The following CCDC68 variants were observed in gnomAD, a reference collection of about 807,000 sequenced individuals.
The protein encoded by CCDC68 is coiled-coil domain containing 68.
In CCDC68, 45 loss-of-function variants were observed where a neutral mutation model predicts 47.1. The observed-to-expected ratio is 0.96, with a 90% CI of 0.75 to 1.23. The LOEUF (loss-of-function observed/expected upper bound fraction) is 1.23, where lower values mean the gene tolerates loss of function less well. CCDC68 is among the 50% of genes most tolerant of loss of function. The probability of loss-of-function intolerance (pLI) is 0.00; values close to 1 mark genes in which losing one functional copy is unlikely to be tolerated. For synonymous variants in CCDC68, 131 were observed against 129.5 expected, an observed-to-expected ratio of 1.01 and a Z score of -0.08; for missense variants, 353 against 373.6, an observed-to-expected ratio of 0.94 and a Z score of 0.45.
At chr18:54,905,046 G>C (rs1913908667) in intron 11 of CCDC68, among the ~76,000 whole-genome samples, 2 of 152,150 alleles carry the variant, frequency 1.3e-5, no homozygotes, top group African/African-American at 2.4e-5. Flanking sequence ...GATCACTTGA[G>C]CCCAGGAGTT....
At chr18:54,927,686 T>G (rs1049870669) in intron 8 of CCDC68, among the ~76,000 whole-genome samples, 2 of 152,230 alleles carry the variant, frequency 1.3e-5, no homozygotes, top group Non-Finnish European at 2.9e-5. Flanking sequence ...TAAAACTATC[T>G]TAGAAGTCCA....
At chr18:54,957,834 A>C (rs1343935820) in intron 1 of CCDC68, 1 of 152,222 alleles carries the variant, frequency 6.6e-6, no homozygotes, top group Non-Finnish European at 1.5e-5. Context: ...CTATTTTAAA[A>C]GACTTTTACA....
chr18:54,927,451 A>G (rs887599853), intron 8 of CCDC68, among the ~76,000 whole-genome samples: 4 of 152,084 alleles, frequency 2.6e-5, no homozygotes, highest in Admixed American at 6.6e-5. Context: ...TTTAAAACAC[A>G]TTTTTTAAAG....
At chr18:54,940,392 T>C (rs1349587457) in intron 4 of CCDC68, among the ~76,000 whole-genome samples, 1 of 152,240 alleles carries the variant, frequency 6.6e-6, no homozygotes, top group African/African-American at 2.4e-5. Context: ...AAGCTAGTTA[T>C]GTTAGTGTGG....
chr18:54,918,567 C>T (rs113722139), intron 9 of CCDC68, among the ~76,000 whole-genome samples: 1,582 of 152,232 alleles, frequency 0.01, 22 homozygotes, highest in African/African-American at 0.032. Flanking sequence ...GTGGGATGCC[C>T]CCAAAGTCCC....
chr18:54,935,365 T>C (rs928775557), intron 6 of CCDC68, among the ~76,000 whole-genome samples: 1 of 152,210 alleles, frequency 6.6e-6, no homozygotes, highest in African/African-American at 2.4e-5. Context: ...CAGTGTGTCA[T>C]GGTGCTACTT....
chr18:54,934,917 T>C lies in CCDC68; in HGVS notation c.503A>G (p.Lys168Arg). The change falls in exon 7 of 12, where the codon AAA (lysine) becomes AGA (arginine). Residue 168 changes from lysine to arginine, a missense_variant. Coordinates refer to ENST00000591504, the MANE Select transcript of CCDC68 (RefSeq NM_025214.3). ...TTGATTCAGATTTTCAACATGTTGT[T>C]TCAATTTCTGTTCTTTTTCAAGCTT... ...VNKLEKEQKL[K>R]QHVENLNQVA... 1 of 1,595,230 alleles carries C rather than the reference T, an allele frequency of 6.3e-7. No individual in the cohort carries two copies.
chr18:54,946,661 C>T (rs550898844), intron 1 of CCDC68, among the ~76,000 whole-genome samples: 90 of 152,178 alleles, frequency 5.9e-4, no homozygotes, highest in Non-Finnish European at 8.5e-4. Context: ...CTCTTATGTA[C>T]CTTTTATTCT....
rs7240705 is a variant in CCDC68 at position 54,909,444 on chromosome 18, C to T, written c.874-1582G>A. On this transcript the variant is annotated intron_variant, in intron 10 of 11. Coordinates refer to ENST00000591504, the MANE Select transcript of CCDC68 (RefSeq NM_025214.3). ...TCGCCCAGGCTGGAGTGCAGTGGCG[C>T]GATCTCAGTGTTACAAGGTGTCATT... 2.5e-3 allele frequency among the ~76,000 whole-genome samples: 368 copies of T among 147,700 alleles called. 1 individual carries two copies. Among genetic ancestry groups the T allele is most frequent in the African/African-American group, 8.7e-3 (345 of 39,782 alleles).
At position 54,902,005 on chromosome 18, in the gene CCDC68, C is replaced by A. The variant is rs879287581; in HGVS notation, c.*2353G>T. On this transcript the variant is annotated 3_prime_UTR_variant, in exon 12 of 12. Transcript: ENST00000591504. ...TGATGGTATTATAAAGACAGCTACT[C>A]GGGAGGCTGAGGCAGGAGAATCGTT... 1.3e-5 allele frequency: 2 copies of A among 151,836 alleles called. No homozygotes were observed. The highest frequency in any genetic ancestry group is 2.1e-4 in the South Asian group (1 of 4,810). 9.4% of individuals were successfully genotyped at this position (151,836 alleles called of 1,614,324 possible). A position where few individuals can be genotyped will look rare whatever the true frequency, so the allele number is the denominator to read the frequency against.
intron 8 of CCDC68, among the ~76,000 whole-genome samples, chr18:54,924,984 G>T (rs2044121955): frequency 6.6e-6 from 1 of 152,184 alleles, no homozygotes; most frequent in African/African-American, 2.4e-5. Flanking sequence ...ATTACAAGGG[G>T]TAAGCTGAAA....
intron 11 of CCDC68, among the ~76,000 whole-genome samples, chr18:54,906,431 A>C (rs1047351844): frequency 1.3e-5 from 2 of 152,210 alleles, no homozygotes; most frequent in African/African-American, 4.8e-5. Flanking sequence ...CATTCTCTTC[A>C]ACATGACCCC....
At chr18:54,942,861 T>A in intron 2 of CCDC68, 58 bp from the exon 3 acceptor site, 1 of 937,254 alleles carries the variant, frequency 1.1e-6, no homozygotes, top group South Asian at 1.4e-5. Context: ...TATGATTATA[T>A]GGTTCATAAA....
At chr18:54,911,863 C>G (rs796336579) in intron 10 of CCDC68, among the ~76,000 whole-genome samples, 31 of 152,314 alleles carry the variant, frequency 2.0e-4, no homozygotes, top group African/African-American at 7.2e-4. Flanking sequence ...ATGTTAGACT[C>G]TCTTCAATTT....
chr18:54,908,370 T>C (rs1914138388), intron 10 of CCDC68, among the ~76,000 whole-genome samples: 1 of 152,214 alleles, frequency 6.6e-6, no homozygotes, highest in Non-Finnish European at 1.5e-5. Flanking sequence ...TGGTAAATGA[T>C]ACATGTCCTG....
At chr18:54,946,051 T>C (rs2044519282) in intron 1 of CCDC68, among the ~76,000 whole-genome samples, 1 of 152,142 alleles carries the variant, frequency 6.6e-6, no homozygotes, top group Admixed American at 6.5e-5. Flanking sequence ...AAAAGAAGAA[T>C]AACATTTCAT....
intron 10 of CCDC68, among the ~76,000 whole-genome samples, chr18:54,915,627 C>T (rs1055004065): frequency 2.6e-5 from 4 of 152,064 alleles, no homozygotes; most frequent in South Asian, 2.1e-4. Context: ...ATGTTAGTTA[C>T]GTAAAAAATG....
At position 54,937,978 on chromosome 18, in the gene CCDC68, C is replaced by T. The variant is rs1414967780; in HGVS notation, c.324G>A (p.Glu108=). 1 of 1,611,490 alleles carries T rather than the reference C, an allele frequency of 6.2e-7. No individual in the cohort carries two copies. The highest frequency in any genetic ancestry group is 8.5e-7 in the Non-Finnish European group (1 of 1,179,084). Residue 108 remains glutamate (E), a synonymous_variant, in exon 5 of 12, where the codon GAG becomes GAA. Transcript: ENST00000591504. ...ATACCTTGATTTTCAATACTTCATT[C>T]TCTTTGTTCATTTCTAAGAGCTGTA... ...KDLQLLEMNK[E]NEVLKIKLQA...
rs150364518 is a variant in CCDC68 at position 54,938,133 on chromosome 18, T to C, written c.205-36A>G. 2.7e-5 allele frequency: 43 copies of C among 1,580,368 alleles called. No individual in the cohort carries two copies. The East Asian group carries it at 8.3e-4, about 31-fold the overall frequency. On this transcript the variant is annotated intron_variant, in intron 4 of 11. Transcript: ENST00000591504. ...CAAATGAAAATCATAGACCTGACTA[T>C]CTTTTCCTCTACAAACTTTGACAAC...
Sources: allele counts gnomAD v4.1 joint callset (sites outside exome capture counted in the v4.1 genomes callset), GRCh38; gene constraint gnomAD v4.1.1; transcripts MANE v1.5; gene names NCBI Gene and HGNC (gene_info 2026-07-23, HGNC 2026-07-21).